The following BANP variants were observed in gnomAD, a reference collection of about 807,000 sequenced individuals.
BANP encodes the protein BTG3 associated nuclear protein.
A neutral mutation model predicts 68.1 loss-of-function variants in BANP; 11 were observed. The ratio of observed to expected loss-of-function variants is 0.16; its 90% CI spans 0.10 to 0.27. The LOEUF (loss-of-function observed/expected upper bound fraction) is 0.27, where lower values mean the gene tolerates loss of function less well. Among genes scored for constraint, BANP ranks in the 10% least tolerant of loss-of-function variants. The pLI is 1.00. For synonymous variants in BANP, 329 were observed against 303.2 expected (o/e 1.09, Z -0.88); for missense variants, 504 against 722.7 (o/e 0.70, Z 3.47).
At position 88,006,217 on chromosome 16, in the gene BANP, A is replaced by G. The variant is rs748919354; in HGVS notation, c.607A>G (p.Ser203Gly). Residue 203 changes from serine to glycine, a missense_variant, in exon 6 of 14, where the codon AGT becomes GGT. Ser to Gly is a moderately conservative substitution (Grantham distance 56). Around this residue, in one of 3 missense-constraint regions of BANP, gnomAD observed 238 missense variants for 278.9 expected, o/e 0.85. Transcript: ENST00000682872. ...TGTGTCCAGCTGTGGGCAGGCGGGCAGTCAGAGCATCGGGAGCAACGTCAC... is the reference window on the plus strand; with the variant it reads ...TGTGTCCAGCTGTGGGCAGGCGGGCGGTCAGAGCATCGGGAGCAACGTCAC... ...DSVSSCGQAG[S>G]QSIGSNVTLI... 8.7e-6 allele frequency: 14 copies of G among 1,613,212 alleles called. No homozygotes were observed. The East Asian group carries it at 3.1e-4, about 36-fold the overall frequency.
intron 5 of BANP, 65 bp from the exon 6 acceptor site, chr16:88,006,025 C>A (rs537289150): frequency 6.2e-7 from 1 of 1,607,634 alleles, no homozygotes; most frequent in African/African-American, 1.3e-5. Flanking sequence ...AAGGAAAGCG[C>A]TGACCTTCGC....
chr16:88,006,643 CAA>C (rs762203875), intron 6 of BANP, among the ~76,000 whole-genome samples: 15 of 100,184 alleles, frequency 1.5e-4, no homozygotes, highest in Admixed American at 3.4e-4. Context: ...AACTCCATCT[CAA>C]AAAAAAAAAA....
At chr16:87,951,122 G>A (rs2144224151), upstream of BANP, among the ~76,000 whole-genome samples, 1 of 152,380 alleles carries the variant, frequency 6.6e-6, no homozygotes, top group East Asian at 1.9e-4. Context: ...GGGAGGTGTA[G>A]TAGTTGAGGG....
At chr16:87,971,017 A>AAC (rs2061011775) in intron 1 of BANP, among the ~76,000 whole-genome samples, 1 of 16,688 alleles carries the variant, frequency 6.0e-5, no homozygotes, top group Non-Finnish European at 1.2e-4. Flanking sequence ...ACTGCATCTC[A>AAC]AAAAAAAAAA....
intron 11 of BANP, among the ~76,000 whole-genome samples, chr16:88,059,673 G>T (rs2086163568): frequency 6.6e-6 from 1 of 152,158 alleles, no homozygotes; most frequent in Non-Finnish European, 1.5e-5. Context: ...TTTGCAGGAA[G>T]ATGTGAGTTT....
intron 11 of BANP, among the ~76,000 whole-genome samples, chr16:88,050,562 A>C (rs2083018631): frequency 6.6e-6 from 1 of 152,228 alleles, no homozygotes; most frequent in Non-Finnish European, 1.5e-5. Context: ...GTTGCAGCCC[A>C]CAGGAGTCTC....
At chr16:87,986,541 A>G (rs1337838966) in intron 4 of BANP, among the ~76,000 whole-genome samples, 1 of 148,056 alleles carries the variant, frequency 6.8e-6, no homozygotes, top group East Asian at 1.9e-4. Flanking sequence ...CAAGTCACGC[A>G]TTCATTCCCA....
At chr16:88,019,394 C>T (rs1312567931) in intron 7 of BANP, among the ~76,000 whole-genome samples, 1 of 151,986 alleles carries the variant, frequency 6.6e-6, no homozygotes, top group East Asian at 1.9e-4. Context: ...AGACACGAGG[C>T]CCCTGGCGGG....
chr16:87,975,870 TACC>T (rs2062016224), intron 2 of BANP, among the ~76,000 whole-genome samples: 1 of 140,986 alleles, frequency 7.1e-6, no homozygotes, highest in Non-Finnish European at 1.6e-5. Flanking sequence ...CATGGAACCT[TACC>T]ATGTGGTGTG....
chr16:88,069,525 A>G (rs75541425), intron 12 of BANP, among the ~76,000 whole-genome samples: 5,008 of 152,224 alleles, frequency 0.033, 163 homozygotes, highest in Non-Finnish European at 0.042. Context: ...CTGCTCCGCT[A>G]TGGACGGTGG....
rs1025362886 is a variant in BANP, at chr16:88,002,284, T to C, written c.363-2011T>C. ...GTCTCAGTGGTCTGTCCTCAGAAAC[T>C]GTTTTTGATGATCTCTGTCTATTTT... On this transcript the variant is annotated intron_variant, in intron 4 of 13. Coordinates refer to ENST00000682872, the MANE Select transcript of BANP (RefSeq NM_001386991.1). This position sits in a 1 kb window ranked among gnomAD's most constrained non-coding sequence, Gnocchi z 4.6. Among the ~76,000 whole-genome samples the C allele has an allele frequency of 1.3e-5, 2 of 152,118 alleles. No homozygotes were observed. Among genetic ancestry groups the C allele is most frequent in the African/African-American group, 4.8e-5 (2 of 41,430 alleles).
intron 11 of BANP, among the ~76,000 whole-genome samples, chr16:88,053,873 T>G (rs1235069852): frequency 9.3e-6 from 1 of 107,576 alleles, no homozygotes; most frequent in African/African-American, 3.0e-5. Context: ...TTCACTATCA[T>G]CACCATCACC....
chr16:88,021,534 C>G (rs936887074), intron 7 of BANP, among the ~76,000 whole-genome samples: 2 of 152,202 alleles, frequency 1.3e-5, no homozygotes, highest in Admixed American at 1.3e-4. Flanking sequence ...CCTTCTCCCC[C>G]GCCTCAGGCT....
chr16:88,027,779 C>A, intron 8 of BANP, 129 bp downstream of exon 8: 1 of 1,143,064 alleles, frequency 8.7e-7, no homozygotes. Flanking sequence ...CAGAGGCTTG[C>A]GCGGTGCGCA....
intron 8 of BANP, among the ~76,000 whole-genome samples, chr16:88,027,958 G>C (rs569187281): frequency 6.6e-5 from 10 of 152,254 alleles, no homozygotes; most frequent in African/African-American, 2.4e-4. Flanking sequence ...GCTGCCGGCC[G>C]TTGTATTCTC....
chr16:88,075,451 T>G (rs957592508), intron 13 of BANP, among the ~76,000 whole-genome samples: 1 of 152,120 alleles, frequency 6.6e-6, no homozygotes, highest in Non-Finnish European at 1.5e-5. Context: ...GGCCGTGAGG[T>G]GTGCTTGCAC....
At chr16:88,039,166 T>G (rs943919339) in intron 11 of BANP, among the ~76,000 whole-genome samples, 1 of 152,120 alleles carries the variant, frequency 6.6e-6, no homozygotes, top group Non-Finnish European at 1.5e-5. Context: ...GTTGGAAAGT[T>G]TCATCTTAAA....
chr16:87,956,202 A>G (rs1010409411), intron 1 of BANP, among the ~76,000 whole-genome samples: 1 of 152,238 alleles, frequency 6.6e-6, no homozygotes, highest in African/African-American at 2.4e-5. Flanking sequence ...CGCAAGGCTG[A>G]CTTGAAAATG....
At chr16:88,005,834 G>T (rs549426968) in intron 5 of BANP, among the ~76,000 whole-genome samples, 2 of 152,364 alleles carry the variant, frequency 1.3e-5, no homozygotes, top group East Asian at 3.9e-4. Context: ...GAGTCCCAGT[G>T]AGTATGATTT....
Sources: allele counts gnomAD v4.1 joint callset (sites outside exome capture counted in the v4.1 genomes callset), GRCh38; gene constraint gnomAD v4.1.1; regional missense constraint gnomAD v4.1.1; non-coding constraint Gnocchi (gnomAD v3.1); transcripts MANE v1.5; gene names NCBI Gene and HGNC (gene_info 2026-07-23, HGNC 2026-07-21).